RASL12: variants seen among roughly 807,000 people sequenced by gnomAD.
RASL12 encodes the protein ras-like protein family member 12.
Under a neutral mutation model 22.9 loss-of-function variants are expected in RASL12, and 16 were observed. The ratio of observed to expected loss-of-function variants is 0.70; its 90% CI spans 0.47 to 1.06. RASL12 has a LOEUF of 1.06. Among genes scored for constraint, RASL12 ranks in the 50% least tolerant of loss-of-function variants. The pLI is 0.00. For missense variants in RASL12, 306 were observed against 353.1 expected (o/e 0.87, Z 1.07); for synonymous variants, 159 against 152.2 (o/e 1.04, Z -0.33).
At chr15:65,048,118 T>A in the RASL12 span, among the ~76,000 whole-genome samples, 1 of 151,808 alleles carries the variant, frequency 6.6e-6, no homozygotes, top group African/African-American at 2.4e-5. Flanking sequence ...GAGGCATAGG[T>A]TGCAGTGAGC....
At chr15:65,060,885 C>T (rs975138437) in intron 2 of RASL12, among the ~76,000 whole-genome samples, 4 of 152,234 alleles carry the variant, frequency 2.6e-5, no homozygotes, top group Non-Finnish European at 4.4e-5. Flanking sequence ...TTCTTGTCCC[C>T]AGCCTGCTTT....
At chr15:65,067,641 TG>T in intron 1 of RASL12, 91 bp downstream of exon 1, 1 of 1,414,566 alleles carries the variant, frequency 7.1e-7, no homozygotes, top group South Asian at 1.4e-5. Context: ...CCCAAGCCAG[TG>T]GAAGAACCTG....
At chr15:65,068,917 A>G (rs2086911426), upstream of RASL12, among the ~76,000 whole-genome samples, 1 of 152,206 alleles carries the variant, frequency 6.6e-6, no homozygotes, top group African/African-American at 2.4e-5. This position sits in a 1 kb window ranked among gnomAD's most constrained non-coding sequence, Gnocchi z 4.2. Flanking sequence ...AAATGAAGCA[A>G]AATAGAGAGT....
intron 2 of RASL12, among the ~76,000 whole-genome samples, chr15:65,061,294 G>C (rs1271441952): frequency 2.0e-5 from 3 of 152,224 alleles, no homozygotes; most frequent in African/African-American, 7.2e-5. Context: ...GTTCACAATG[G>C]GACCCCCTCA....
chr15:65,075,546 A>C (rs1258644287), intron 1 of RASL12, among the ~76,000 whole-genome samples: 1 of 152,210 alleles, frequency 6.6e-6, no homozygotes, highest in East Asian at 1.9e-4. Context: ...TGAATACACC[A>C]ATCGGCACTC....
intron 1 of RASL12, among the ~76,000 whole-genome samples, chr15:65,067,325 A>G (rs912356244): frequency 6.6e-6 from 1 of 151,990 alleles, no homozygotes; most frequent in African/African-American, 2.4e-5. Context: ...CTTTGAAGCC[A>G]GTCGCCAGGA....
At chr15:65,059,264 G>T in intron 3 of RASL12, 81 bp downstream of exon 3, 2 of 1,219,430 alleles carry the variant, frequency 1.6e-6, no homozygotes, top group South Asian at 1.2e-5. Context: ...ATGCCTATCT[G>T]AGGTCCCGCA....
Position 65,054,311 on chromosome 15 carries a change from G to A in RASL12, c.*588C>T. ...AAGTGTTGGAAATACCCCTTCCTGG[G>A]GCTTCTGTCCATTGGATTATTTTAA... On this transcript the variant is annotated 3_prime_UTR_variant, in exon 5 of 5. Coordinates refer to ENST00000220062, the MANE Select transcript of RASL12 (RefSeq NM_016563.4). The A allele has an allele frequency of 1.0e-6, 1 of 985,786 alleles. No individual in the cohort carries two copies. Among genetic ancestry groups the A allele is most frequent in the African/African-American group, 1.7e-5 (1 of 57,340 alleles). 61.1% of individuals were successfully genotyped at this position (985,786 alleles called of 1,614,324 possible).
At chr15:65,051,536 T>A, downstream of RASL12, 2 of 1,613,750 alleles carry the variant, frequency 1.2e-6, no homozygotes, top group Non-Finnish European at 1.7e-6. Context: ...AATCATTCCA[T>A]CCTTGCCCTG....
chr15:65,054,013 C>T lies in RASL12; in HGVS notation c.*886G>A. ...CCAAACCAGATGACAAACGGGTATACTGTGTTTCTACCTGCAGGGGGGCAG... is the reference window on the plus strand; with the variant it reads ...CCAAACCAGATGACAAACGGGTATATTGTGTTTCTACCTGCAGGGGGGCAG... On this transcript the variant is annotated 3_prime_UTR_variant, in exon 5 of 5. Transcript: ENST00000220062. The T allele has an allele frequency of 1.0e-6, 1 of 985,912 alleles. No individual in the cohort carries two copies. The highest frequency in any genetic ancestry group is 1.7e-5 in the African/African-American group (1 of 57,380). The allele number at this position is 985,912 out of a possible 1,614,324, so 61.1% of individuals were successfully genotyped here.
intron 4 of RASL12, among the ~76,000 whole-genome samples, chr15:65,056,939 G>A (rs369920018): frequency 7.1e-6 from 1 of 141,356 alleles, no homozygotes; most frequent in South Asian, 2.2e-4. Flanking sequence ...GCAAAGATTG[G>A]GGTCAAAAGA....
At chr15:65,058,710 G>T (rs929052770) in intron 3 of RASL12, 93 bp from the exon 4 acceptor site, 2 of 930,466 alleles carry the variant, frequency 2.1e-6, no homozygotes, top group East Asian at 3.0e-5. Flanking sequence ...CCCACTCCCC[G>T]GTCTTTGTAT....
chr15:65,068,151 G>T, upstream of RASL12: 1 of 1,011,164 alleles, frequency 9.9e-7, no homozygotes, highest in Non-Finnish European at 1.2e-6. The surrounding 1 kb of genome is among the most constrained non-coding windows in gnomAD (Gnocchi z 4.2). Flanking sequence ...CCACCGCCGG[G>T]CTGGGCCTCG....
At chr15:65,076,493 C>G in intron 1 of RASL12, 1 of 681,104 alleles carries the variant, frequency 1.5e-6, no homozygotes, top group Middle Eastern at 2.7e-4. Context: ...AAAGGACAGA[C>G]TCCAGACACG....
At chr15:65,057,912 A>C (rs2086752517) in intron 4 of RASL12, among the ~76,000 whole-genome samples, 1 of 152,124 alleles carries the variant, frequency 6.6e-6, no homozygotes, top group Non-Finnish European at 1.5e-5. Context: ...TTGCTGTGTG[A>C]CCCAGAAGCG....
At chr15:65,053,024 G>A (rs766649904), downstream of RASL12, 5 of 1,613,822 alleles carry the variant, frequency 3.1e-6, no homozygotes, top group Middle Eastern at 4.9e-4. Context: ...TTTGGATGAG[G>A]CCAAGGATCA....
upstream of RASL12, among the ~76,000 whole-genome samples, chr15:65,072,072 C>T (rs1405826413): frequency 6.6e-6 from 1 of 152,218 alleles, no homozygotes; most frequent in Non-Finnish European, 1.5e-5. Context: ...GCACTGAGAG[C>T]CCACTGGTCC....
the RASL12 span, among the ~76,000 whole-genome samples, chr15:65,045,745 C>T: frequency 6.6e-6 from 1 of 152,186 alleles, no homozygotes; most frequent in Non-Finnish European, 1.5e-5. Context: ...AAATGGGATC[C>T]TGGAACAAGA....
intron 4 of RASL12, among the ~76,000 whole-genome samples, chr15:65,055,550 A>T (rs556788384): frequency 1.1e-3 from 172 of 152,328 alleles, no homozygotes; most frequent in Non-Finnish European, 1.3e-3. Context: ...CCAGGCCAGA[A>T]TTTTGGGATG....
Sources: allele counts gnomAD v4.1 joint callset (sites outside exome capture counted in the v4.1 genomes callset), GRCh38; gene constraint gnomAD v4.1.1; non-coding constraint Gnocchi (gnomAD v3.1); transcripts MANE v1.5; gene names NCBI Gene and HGNC (gene_info 2026-07-23, HGNC 2026-07-21).